PXDNL: variants seen among roughly 807,000 people sequenced by gnomAD.
PXDNL encodes peroxidasin like.
Under a neutral mutation model 150.8 loss-of-function variants are expected in PXDNL, and 145 were observed. The observed-to-expected ratio is 0.96, with a 90% CI of 0.84 to 1.10. The LOEUF (loss-of-function observed/expected upper bound fraction) is 1.10. Among genes scored for constraint, PXDNL ranks in the 50% least tolerant of loss-of-function variants. PXDNL has a pLI of 0.00. For missense variants in PXDNL, 2,087 were observed against 1,873.9 expected, an observed-to-expected ratio of 1.11 and a Z score of -2.10; for synonymous variants, 757 against 725.7, an observed-to-expected ratio of 1.04 and a Z score of -0.69.
At chr8:51,785,459 G>A (rs2037452221) in intron 1 of PXDNL, among the ~76,000 whole-genome samples, 1 of 152,180 alleles carries the variant, frequency 6.6e-6, no homozygotes, top group African/African-American at 2.4e-5. Context: ...CAACCTGAAG[G>A]TCTGTGGCAA....
intron 12 of PXDNL, among the ~76,000 whole-genome samples, chr8:51,444,018 A>G (rs1465823160): frequency 1.3e-5 from 2 of 152,212 alleles, no homozygotes; most frequent in Non-Finnish European, 2.9e-5. Context: ...ATTTAACTTT[A>G]GGTAGCTTCT....
At chr8:51,403,880 G>C (rs1457111073) in intron 17 of PXDNL, among the ~76,000 whole-genome samples, 1 of 152,220 alleles carries the variant, frequency 6.6e-6, no homozygotes, top group Admixed American at 6.5e-5. Flanking sequence ...CTCACGGTGA[G>C]TGTTACAGGT....
chr8:51,537,147 C>A (rs1373722383), intron 4 of PXDNL, among the ~76,000 whole-genome samples: 1 of 152,124 alleles, frequency 6.6e-6, no homozygotes, highest in Admixed American at 6.5e-5. Context: ...GATTCCTAAC[C>A]CTGACCACAC....
At chr8:51,428,857 A>G (rs1809178927) in intron 12 of PXDNL, among the ~76,000 whole-genome samples, 1 of 151,392 alleles carries the variant, frequency 6.6e-6, no homozygotes, top group Admixed American at 6.6e-5. Context: ...ATTTCACCAA[A>G]ATAAAAAATT....
chr8:51,554,814 A>G (rs1172537830), intron 4 of PXDNL, among the ~76,000 whole-genome samples: 1 of 152,120 alleles, frequency 6.6e-6, no homozygotes, highest in African/African-American at 2.4e-5. Flanking sequence ...CTTTCTGATC[A>G]TAGCTACTTA....
chr8:51,605,282 A>C (rs1466141360), intron 2 of PXDNL, among the ~76,000 whole-genome samples: 1 of 152,168 alleles, frequency 6.6e-6, no homozygotes, highest in Non-Finnish European at 1.5e-5. Context: ...AATTTGATAA[A>C]GTAATTTTAA....
At chr8:51,331,194 GAC>G (rs1004116090) in intron 21 of PXDNL, among the ~76,000 whole-genome samples, 2 of 152,130 alleles carry the variant, frequency 1.3e-5, no homozygotes, top group African/African-American at 2.4e-5. Context: ...TCCTTTCCCG[GAC>G]ACACACCCCC....
chr8:51,727,853 C>G (rs1390348073), intron 1 of PXDNL, among the ~76,000 whole-genome samples: 1 of 152,230 alleles, frequency 6.6e-6, no homozygotes, highest in Non-Finnish European at 1.5e-5. Context: ...GCACTCTGAG[C>G]TCTGCCGGTT....
chr8:51,469,307 A>G lies in PXDNL; in HGVS notation c.812+2880T>C, dbSNP rs1810272210. Among the ~76,000 whole-genome samples, 3 of 152,024 alleles carry G rather than the reference A, an allele frequency of 2.0e-5. No homozygotes were observed. In the South Asian group the frequency reaches 6.2e-4, roughly 31 times the overall value. ...GTTGTGATCACAGTGAAGAGTATAGATTTATTTTTTAAATCCTATTTTGGA... is the reference window on the plus strand; with the variant it reads ...GTTGTGATCACAGTGAAGAGTATAGGTTTATTTTTTAAATCCTATTTTGGA... On this transcript the variant is annotated intron_variant, in intron 8 of 22. Coordinates refer to ENST00000356297, the MANE Select transcript of PXDNL (RefSeq NM_144651.5).
At chr8:51,448,953 A>G in intron 11 of PXDNL, 49 bp downstream of exon 11, 1 of 947,730 alleles carries the variant, frequency 1.1e-6, no homozygotes, top group East Asian at 2.6e-5. Context: ...ACTATCCACA[A>G]AAGAAGGCAC....
intron 19 of PXDNL, 56 bp from the exon 20 acceptor site, chr8:51,346,003 CAT>C (rs1388495507): frequency 2.9e-6 from 3 of 1,045,360 alleles, no homozygotes; most frequent in Non-Finnish European, 4.5e-6. Flanking sequence ...GTCATGATCT[CAT>C]CTAGATCATT....
At chr8:51,361,447 T>C (rs1301335544) in intron 19 of PXDNL, among the ~76,000 whole-genome samples, 1 of 152,136 alleles carries the variant, frequency 6.6e-6, no homozygotes, top group East Asian at 1.9e-4. Flanking sequence ...ATCAAGGAGA[T>C]CTGATAGCCA....
chr8:51,332,442 A>G (rs1374096534), intron 21 of PXDNL, among the ~76,000 whole-genome samples: 1 of 152,166 alleles, frequency 6.6e-6, no homozygotes, highest in Admixed American at 6.5e-5. Context: ...CAAAAATCAC[A>G]CTAGTTCACC....
chr8:51,410,338 C>A (rs942809861), intron 16 of PXDNL, among the ~76,000 whole-genome samples: 2 of 152,228 alleles, frequency 1.3e-5, no homozygotes, highest in African/African-American at 4.8e-5. Context: ...ATTTAATCTT[C>A]AGAAACTGGC....
chr8:51,389,160 G>A (rs556948453), intron 17 of PXDNL, among the ~76,000 whole-genome samples: 18 of 152,240 alleles, frequency 1.2e-4, no homozygotes, highest in African/African-American at 4.1e-4. Context: ...TGTCATTCCC[G>A]TGATTGTCTG....
rs182313589 is a variant in PXDNL at position 51,537,925 on chromosome 8, G to C, written c.380+18915C>G. ...GGAAAAGCCACACCACTTCCAGCTA[G>C]CATGACATGCAGCCAATCCTGCCCC... On this transcript the variant is annotated intron_variant, in intron 4 of 22. Coordinates refer to ENST00000356297, the MANE Select transcript of PXDNL (RefSeq NM_144651.5). Among the ~76,000 whole-genome samples the C allele has an allele frequency of 2.7e-3, 411 of 152,302 alleles. 3 individuals carry two copies. The highest frequency in any genetic ancestry group is 6.8e-3 in the Middle Eastern group (2 of 294).
At chr8:51,515,785 C>G (rs1167136337) in intron 4 of PXDNL, among the ~76,000 whole-genome samples, 3 of 152,148 alleles carry the variant, frequency 2.0e-5, no homozygotes, top group African/African-American at 7.2e-5. Flanking sequence ...GAAATATTCT[C>G]ATATATAGAC....
chr8:51,479,582 G>C (rs1055793175), intron 6 of PXDNL, among the ~76,000 whole-genome samples: 1 of 152,182 alleles, frequency 6.6e-6, no homozygotes, highest in Non-Finnish European at 1.5e-5. Context: ...GATGGAACTG[G>C]AAGCCATTAT....
intron 4 of PXDNL, among the ~76,000 whole-genome samples, chr8:51,503,743 T>C (rs976359787): frequency 6.6e-6 from 1 of 152,250 alleles, no homozygotes; most frequent in Non-Finnish European, 1.5e-5. Context: ...ATTGCCATTG[T>C]CATGTCATGT....
Sources: allele counts gnomAD v4.1 joint callset (sites outside exome capture counted in the v4.1 genomes callset), GRCh38; gene constraint gnomAD v4.1.1; transcripts MANE v1.5; gene names NCBI Gene and HGNC (gene_info 2026-07-23, HGNC 2026-07-21).